Variants in ZNF121 observed in about 807,000 individuals in gnomAD.
ZNF121 encodes zinc finger protein 121.
Under a neutral mutation model 2.4 loss-of-function variants are expected in ZNF121, and 1 was observed. That is an observed-to-expected ratio of 0.41 (90% confidence interval 0.15 to 1.94). ZNF121 has a LOEUF of 1.94. ZNF121 is among the 30% of genes most tolerant of loss of function. The pLI is 0.30. For missense variants in ZNF121, 369 were observed against 466.3 expected (o/e 0.79, Z 1.92); for synonymous variants, 173 against 158.6 (o/e 1.09, Z -0.68).
intron 1 of ZNF121, among the ~76,000 whole-genome samples, chr19:9,582,300 G>A (rs1303972242): frequency 6.6e-6 from 1 of 152,170 alleles, no homozygotes; most frequent in East Asian, 1.9e-4. Flanking sequence ...ACAAGAAGAA[G>A]CGAAAATAGC....
In ZNF121 at chr19:9,566,067, A is replaced by G. The variant is rs1001451398; in HGVS notation, c.1046T>C (p.Phe349Ser). 6.2e-7 allele frequency: 1 copy of G among 1,613,754 alleles called. No homozygotes were observed. The highest frequency in any genetic ancestry group is 8.5e-7 in the Non-Finnish European group (1 of 1,179,954). The change falls in exon 4 of 4, where the codon TTC (phenylalanine) becomes TCC (serine). Residue 349 changes from phenylalanine to serine, a missense_variant. Physicochemically the swap from Phe to Ser is radical, Grantham distance 155 (BLOSUM62 -2). This residue lies in a region of ZNF121 where 127 missense variants were observed against 169.9 expected (regional missense o/e 0.75). Transcript: ENST00000320451. ...TTTCTGTAGATGTGAAGAAGCACGG[A>G]AGGTTTTCCCACATTCCTTACATAT... is the stretch of plus-strand genomic sequence containing the variant. ...PYICKECGKT[F>S]RASSHLQKHV... is the part of the protein sequence containing the mutation.
At position 9,565,383 on chromosome 19, in the gene ZNF121, A is replaced by AAAAAAAAAAAC; in HGVS notation, c.*556_*557insGTTTTTTTTTT. On this transcript the variant is annotated 3_prime_UTR_variant, in exon 4 of 4. Transcript: ENST00000320451. ...AAAAAAAAAAAAAAAAAAAAAAAAA[A>AAAAAAAAAAAC]AAAAGGCCAGGAGCAGTGGCTCACT... The AAAAAAAAAAAC allele has an allele frequency of 6.9e-6, 1 of 145,820 alleles. No individual in the cohort carries two copies. Among genetic ancestry groups the AAAAAAAAAAAC allele is most frequent in the Non-Finnish European group, 1.5e-5 (1 of 67,462 alleles). 9.0% of individuals were successfully genotyped at this position (145,820 alleles called of 1,614,324 possible).
chr19:9,570,747 G>T (rs1053852385), intron 1 of ZNF121, among the ~76,000 whole-genome samples: 20 of 151,660 alleles, frequency 1.3e-4, no homozygotes, highest in African/African-American at 2.7e-4. Flanking sequence ...TTTGCGAGGG[G>T]GGGGGGTATT....
chr19:9,582,151 A>G (rs1382398430), intron 1 of ZNF121, among the ~76,000 whole-genome samples: 1 of 151,706 alleles, frequency 6.6e-6, no homozygotes, highest in Non-Finnish European at 1.5e-5. Flanking sequence ...ACTAAAATAC[A>G]AAAAAAAATT....
rs1386968428 is a variant in ZNF121, at chr19:9,562,496, G to A, written c.*3444C>T. On this transcript the variant is annotated 3_prime_UTR_variant, in exon 4 of 4. Coordinates refer to ENST00000320451, the MANE Select transcript of ZNF121 (RefSeq NM_001008727.5). ...GATCTTTGATGTTCCTATTTTAATT[G>A]TTTTGGGGTACCACAAACCACAACC... 5 of 201,598 alleles carry A rather than the reference G, an allele frequency of 2.5e-5. No homozygotes were observed. Among genetic ancestry groups the A allele is most frequent in the African/African-American group, 9.4e-5 (4 of 42,332 alleles). 12.5% of individuals were successfully genotyped at this position (201,598 alleles called of 1,614,324 possible).
intron 1 of ZNF121, 141 bp downstream of exon 1, chr19:9,584,304 CCTGCGGCCTCTAGCCA>C: frequency 6.6e-6 from 1 of 152,252 alleles, no homozygotes; most frequent in Non-Finnish European, 1.5e-5. Flanking sequence ...ACCCACTGAG[CCTGCGGCCTCTAGCCA>C]CTGGCCGCGC....
intron 1 of ZNF121, among the ~76,000 whole-genome samples, chr19:9,583,693 C>CA: frequency 6.6e-6 from 1 of 151,954 alleles, no homozygotes; most frequent in East Asian, 1.9e-4. Flanking sequence ...TTAGTAGAGA[C>CA]AGGGTTTCAC....
In ZNF121 at chr19:9,563,713, C is replaced by T. The variant is rs1015317747; in HGVS notation, c.*2227G>A. 2 of 152,208 alleles carry T rather than the reference C, an allele frequency of 1.3e-5. No individual in the cohort carries two copies. Among genetic ancestry groups the T allele is most frequent in the African/African-American group, 4.8e-5 (2 of 41,448 alleles). 9.4% of individuals were successfully genotyped at this position (152,208 alleles called of 1,614,324 possible). ...GCACTGGAATTACAGGTGTAAGCCA[C>T]TTTTCCCAGCCTGGGCTGGCTTTCT... On this transcript the variant is annotated 3_prime_UTR_variant, in exon 4 of 4. Coordinates refer to ENST00000320451, the MANE Select transcript of ZNF121 (RefSeq NM_001008727.5).
At chr19:9,582,392 T>C (rs1258343981) in intron 1 of ZNF121, among the ~76,000 whole-genome samples, 1 of 152,182 alleles carries the variant, frequency 6.6e-6, no homozygotes, top group African/African-American at 2.4e-5. Flanking sequence ...CCTTGTGACA[T>C]TCCTTCTCCT....
intron 3 of ZNF121, 148 bp downstream of exon 3, chr19:9,567,947 A>G: frequency 1.2e-6 from 1 of 836,292 alleles, no homozygotes; most frequent in Non-Finnish European, 1.7e-6. Context: ...ACTAACAGAA[A>G]CAGTACCAGT....
intron 1 of ZNF121, 127 bp from the exon 2 acceptor site, chr19:9,569,209 A>T (rs1037648197): frequency 1.3e-5 from 2 of 152,204 alleles, no homozygotes; most frequent in African/African-American, 2.4e-5. Flanking sequence ...CAAATTTCAT[A>T]TATCTCATCC....
At position 9,561,186 on chromosome 19, in the gene ZNF121, A is replaced by T. The variant is rs2074098877; in HGVS notation, c.*4754T>A. On this transcript the variant is annotated 3_prime_UTR_variant, in exon 4 of 4. Transcript: ENST00000320451. Reference sequence around the variant, plus strand: ...ATATAATTTTGTATGTCTTTGCCATATCCTCCATAGAGAAGACCTAAAAGC... The same window carrying T: ...ATATAATTTTGTATGTCTTTGCCATTTCCTCCATAGAGAAGACCTAAAAGC... 6.6e-6 allele frequency: 1 copy of T among 152,170 alleles called. No homozygotes were observed. Among genetic ancestry groups the T allele is most frequent in the South Asian group, 2.1e-4 (1 of 4,830 alleles). 9.4% of individuals were successfully genotyped at this position (152,170 alleles called of 1,614,324 possible). A position where few individuals can be genotyped will look rare whatever the true frequency, so the allele number is the denominator to read the frequency against.
chr19:9,562,486 T>C lies in ZNF121; in HGVS notation c.*3454A>G, dbSNP rs1474348421. The stretch of plus-strand genomic sequence containing the variant: ...GCTGCTCTGTGATCTTTGATGTTCC[T>C]ATTTTAATTGTTTTGGGGTACCACA... On this transcript the variant is annotated 3_prime_UTR_variant, in exon 4 of 4. Transcript: ENST00000320451. 9.4e-6 allele frequency: 2 copies of C among 213,550 alleles called. No homozygotes were observed. Among genetic ancestry groups the C allele is most frequent in the Non-Finnish European group, 2.1e-5 (2 of 94,560 alleles). 13.2% of individuals were successfully genotyped at this position (213,550 alleles called of 1,614,324 possible).
rs1369472195 is a variant in ZNF121 at position 9,565,387 on chromosome 19, A to AAAAAAAAAAAAAAAT, written c.*552_*553insATTTTTTTTTTTTTT. On this transcript the variant is annotated 3_prime_UTR_variant, in exon 4 of 4. Transcript: ENST00000320451. The stretch of plus-strand genomic sequence containing the variant: ...AAAAAAAAAAAAAAAAAAAAAAAAA[A>AAAAAAAAAAAAAAAT]GGCCAGGAGCAGTGGCTCACTCCTA... 2 of 139,724 alleles carry AAAAAAAAAAAAAAAT rather than the reference A, an allele frequency of 1.4e-5. No individual in the cohort carries two copies. Among genetic ancestry groups the AAAAAAAAAAAAAAAT allele is most frequent in the Admixed American group, 7.6e-5 (1 of 13,122 alleles). The allele number at this position is 139,724 out of a possible 1,614,324, so 8.7% of individuals were successfully genotyped here.
At chr19:9,576,680 T>TA (rs2074212251) in intron 1 of ZNF121, among the ~76,000 whole-genome samples, 1 of 151,610 alleles carries the variant, frequency 6.6e-6, no homozygotes, top group African/African-American at 2.4e-5. Flanking sequence ...TAATAAAACA[T>TA]AAAGTTGATT....
At chr19:9,579,056 C>T (rs1447415502) in intron 1 of ZNF121, among the ~76,000 whole-genome samples, 1 of 146,798 alleles carries the variant, frequency 6.8e-6, no homozygotes, top group African/African-American at 2.5e-5. Flanking sequence ...AAACGACATA[C>T]AAATGGCCAA....
Position 9,563,655 on chromosome 19 carries a change from C to T in ZNF121, c.*2285G>A, listed in dbSNP as rs915733170. 1 of 152,210 alleles carries T rather than the reference C, an allele frequency of 6.6e-6. No individual in the cohort carries two copies. The highest frequency in any genetic ancestry group is 1.5e-5 in the Non-Finnish European group (1 of 68,044). 9.4% of individuals were successfully genotyped at this position (152,210 alleles called of 1,614,324 possible). On this transcript the variant is annotated 3_prime_UTR_variant, in exon 4 of 4. Transcript: ENST00000320451. ...GTGCTGGCTGGTCTTGAACTCTTGA[C>T]CTCAAGTGATCCTCCAACCTCAGCC... is the stretch of plus-strand genomic sequence containing the variant.
At chr19:9,567,721 C>A in intron 3 of ZNF121, 1 of 277,910 alleles carries the variant, frequency 3.6e-6, no homozygotes, top group Non-Finnish European at 7.4e-6. Flanking sequence ...TGATGGGAGA[C>A]AGTGACAGAT....
chr19:9,582,791 G>T (rs1440533928), intron 1 of ZNF121, among the ~76,000 whole-genome samples: 1 of 150,620 alleles, frequency 6.6e-6, no homozygotes, highest in Admixed American at 6.6e-5. Context: ...TGTGTTAGAT[G>T]TTCAAGTTTT....
Sources: allele counts gnomAD v4.1 joint callset (sites outside exome capture counted in the v4.1 genomes callset), GRCh38; gene constraint gnomAD v4.1.1; regional missense constraint gnomAD v4.1.1; transcripts MANE v1.5; gene names NCBI Gene and HGNC (gene_info 2026-07-23, HGNC 2026-07-21).